Variants in MAST4 observed in about 807,000 individuals in gnomAD.
The protein encoded by MAST4 is microtubule associated serine/threonine kinase family member 4, also known as microtubule-associated serine/threonine-protein kinase 4.
MAST4 carries 89 observed loss-of-function variants against 162.7 expected under a neutral mutation model. That is an observed-to-expected ratio of 0.55 (90% CI 0.46 to 0.65). The LOEUF is 0.65. Ranked by LOEUF, MAST4 falls within the 30% of genes least tolerant of loss-of-function variation. The pLI, the probability that MAST4 is intolerant of heterozygous loss-of-function variation, is 0.00. For missense variants in MAST4, 3,153 were observed against 3,374.0 expected, an observed-to-expected ratio of 0.93 and a Z score of 1.62; for synonymous variants, 1,479 against 1,361.1, an observed-to-expected ratio of 1.09 and a Z score of -1.91.
At chr5:66,660,859 C>T (rs1467447205) in intron 1 of MAST4, among the ~76,000 whole-genome samples, 1 of 152,180 alleles carries the variant, frequency 6.6e-6, no homozygotes. Flanking sequence ...GATTTCCCAA[C>T]TCCTGTGTGA....
intron 1 of MAST4, among the ~76,000 whole-genome samples, chr5:66,606,604 ATGT>A (rs1271715302): frequency 6.6e-6 from 1 of 152,124 alleles, no homozygotes; most frequent in Non-Finnish European, 1.5e-5. Flanking sequence ...TTTTGCATAT[ATGT>A]TGTTAATATT....
chr5:67,003,330 C>A (rs137970942), intron 4 of MAST4, among the ~76,000 whole-genome samples: 1 of 152,100 alleles, frequency 6.6e-6, no homozygotes, highest in East Asian at 1.9e-4. Flanking sequence ...ATAACGCATA[C>A]GAAAGCCTTG....
intron 1 of MAST4, among the ~76,000 whole-genome samples, chr5:66,751,419 C>T (rs1461985972): frequency 1.3e-5 from 2 of 152,070 alleles, no homozygotes; most frequent in Non-Finnish European, 2.9e-5. Flanking sequence ...GAATGTATAA[C>T]TAGAATAACC....
At chr5:66,822,419 G>A (rs564337634) in intron 3 of MAST4, among the ~76,000 whole-genome samples, 1 of 152,330 alleles carries the variant, frequency 6.6e-6, no homozygotes, top group South Asian at 2.1e-4. Flanking sequence ...ATTATGCCTG[G>A]CATGGCAATG....
intron 2 of MAST4, among the ~76,000 whole-genome samples, chr5:66,777,170 T>G (rs1313801498): frequency 6.6e-6 from 1 of 152,180 alleles, no homozygotes; most frequent in Non-Finnish European, 1.5e-5. Context: ...TCTGACTGCT[T>G]TTCCATTCTG....
intron 3 of MAST4, among the ~76,000 whole-genome samples, chr5:66,797,529 A>G (rs1429349289): frequency 6.6e-6 from 1 of 152,168 alleles, no homozygotes; most frequent in Non-Finnish European, 1.5e-5. Flanking sequence ...TTGGCTATTA[A>G]TGGATTCCCT....
At chr5:67,068,720 TTTG>T (rs1760545263) in intron 5 of MAST4, among the ~76,000 whole-genome samples, 1 of 152,066 alleles carries the variant, frequency 6.6e-6, no homozygotes, top group Non-Finnish European at 1.5e-5. Context: ...TTACAGTCAT[TTTG>T]TTGTGATATT....
chr5:66,926,736 TG>T (rs1764935489), intron 4 of MAST4, among the ~76,000 whole-genome samples: 1 of 152,176 alleles, frequency 6.6e-6, no homozygotes, highest in Non-Finnish European at 1.5e-5. Flanking sequence ...TGTTGCTTTT[TG>T]TTTTTTTGCT....
chr5:66,723,384 A>G (rs1021583968), intron 1 of MAST4, among the ~76,000 whole-genome samples: 1 of 152,158 alleles, frequency 6.6e-6, no homozygotes, highest in Non-Finnish European at 1.5e-5. Context: ...GTCATGAGAA[A>G]TAGCCTAGAA....
chr5:66,872,421 C>G (rs898226177), intron 3 of MAST4, among the ~76,000 whole-genome samples: 1 of 152,182 alleles, frequency 6.6e-6, no homozygotes, highest in Non-Finnish European at 1.5e-5. Flanking sequence ...CCACCTGCCT[C>G]GGCCTCCCAA....
intron 18 of MAST4, among the ~76,000 whole-genome samples, chr5:67,136,023 T>C (rs1265152274): frequency 7.5e-6 from 1 of 132,902 alleles, no homozygotes; most frequent in Non-Finnish European, 1.5e-5. Flanking sequence ...CACTTTGACC[T>C]GTTTGTTTGT....
At chr5:66,786,297 A>G (rs1312279552) in intron 2 of MAST4, among the ~76,000 whole-genome samples, 1 of 151,302 alleles carries the variant, frequency 6.6e-6, no homozygotes, top group Non-Finnish European at 1.5e-5. Context: ...ATCTACGTTC[A>G]GTTTTCTTTA....
At chr5:67,064,191 A>G (rs981688430) in intron 5 of MAST4, among the ~76,000 whole-genome samples, 1 of 152,128 alleles carries the variant, frequency 6.6e-6, no homozygotes, top group Admixed American at 6.5e-5. Flanking sequence ...TGGCTCTACA[A>G]TGCTAACATT....
At chr5:66,707,058 T>C (rs895723428) in intron 1 of MAST4, among the ~76,000 whole-genome samples, 1 of 152,186 alleles carries the variant, frequency 6.6e-6, no homozygotes, top group Non-Finnish European at 1.5e-5. Context: ...TGTGGGGCTC[T>C]GTCTTCTGTC....
At chr5:67,122,564 T>C (rs1767712965) in intron 14 of MAST4, among the ~76,000 whole-genome samples, 1 of 152,216 alleles carries the variant, frequency 6.6e-6, no homozygotes, top group Non-Finnish European at 1.5e-5. Context: ...GTTTTTTAGT[T>C]CTTTACACTT....
At chr5:66,694,815 G>C (rs1749294719) in intron 1 of MAST4, among the ~76,000 whole-genome samples, 1 of 152,112 alleles carries the variant, frequency 6.6e-6, no homozygotes, top group African/African-American at 2.4e-5. Flanking sequence ...ACATGTTTTT[G>C]GCTGCATAAA....
At chr5:67,071,761 A>G (rs1761031884) in intron 5 of MAST4, among the ~76,000 whole-genome samples, 2 of 152,256 alleles carry the variant, frequency 1.3e-5, no homozygotes, top group African/African-American at 2.4e-5. Context: ...CTTCATCTCA[A>G]AAAAACAAAA....
At chr5:67,119,474 C>T (rs1268421962) in intron 13 of MAST4, among the ~76,000 whole-genome samples, 1 of 152,108 alleles carries the variant, frequency 6.6e-6, no homozygotes, top group Non-Finnish European at 1.5e-5. Context: ...GATAAGAACC[C>T]AGGCTCTGGA....
chr5:66,967,210 C>T (rs919407135), intron 4 of MAST4, among the ~76,000 whole-genome samples: 1 of 151,980 alleles, frequency 6.6e-6, no homozygotes, highest in Non-Finnish European at 1.5e-5. Context: ...GTGTCTGTGC[C>T]CTTTTGAGGT....
Sources: allele counts gnomAD v4.1 joint callset (sites outside exome capture counted in the v4.1 genomes callset), GRCh38; gene constraint gnomAD v4.1.1; transcripts MANE v1.5; gene names NCBI Gene and HGNC (gene_info 2026-07-23, HGNC 2026-07-21).